INPP4B: variants seen among roughly 807,000 people sequenced by gnomAD.
The protein encoded by INPP4B is inositol polyphosphate-4-phosphatase type II B, also known as inositol polyphosphate 4-phosphatase type II.
INPP4B carries 55 observed loss-of-function variants against 122.5 expected under a neutral mutation model. The ratio of observed to expected loss-of-function variants is 0.45; its 90% confidence interval spans 0.36 to 0.56. The LOEUF (loss-of-function observed/expected upper bound fraction) is 0.56, where lower values mean the gene tolerates loss of function less well. Among genes scored for constraint, INPP4B ranks in the 20% least tolerant of loss-of-function variants. The pLI is 0.00. For missense variants in INPP4B, 1,000 were observed against 1,097.7 expected (o/e 0.91, Z 1.26); for synonymous variants, 403 against 388.7 (o/e 1.04, Z -0.43).
chr4:142,209,119 T>G (rs972685174), intron 12 of INPP4B, 93 bp from the exon 13 acceptor site: 106 of 847,912 alleles, frequency 1.3e-4, no homozygotes, highest in Non-Finnish European at 1.6e-4. Flanking sequence ...AATAAGAAAT[T>G]ATTTCATCCT....
chr4:142,273,674 G>A, intron 9 of INPP4B, among the ~76,000 whole-genome samples: 1 of 151,410 alleles, frequency 6.6e-6, no homozygotes, highest in Admixed American at 6.6e-5. Flanking sequence ...ATCTTCTATA[G>A]GCTTTCACTT....
chr4:142,778,953 A>C (rs1774357978), intron 1 of INPP4B, among the ~76,000 whole-genome samples: 2 of 152,150 alleles, frequency 1.3e-5, no homozygotes. Context: ...CTAAATTCAA[A>C]GCATTTATAC....
chr4:142,291,030 A>G (rs534894210), intron 9 of INPP4B, among the ~76,000 whole-genome samples: 201 of 152,286 alleles, frequency 1.3e-3, no homozygotes, highest in South Asian at 2.3e-3. Flanking sequence ...AGAAGTCCCA[A>G]TTATAGATGA....
chr4:142,092,690 T>C (rs781568959), intron 23 of INPP4B, among the ~76,000 whole-genome samples: 4 of 152,256 alleles, frequency 2.6e-5, no homozygotes, highest in Non-Finnish European at 5.9e-5. Context: ...AAGTTTTCTT[T>C]ATTGTTTAAG....
chr4:142,676,020 T>C (rs1278662029), intron 2 of INPP4B, among the ~76,000 whole-genome samples: 3 of 152,070 alleles, frequency 2.0e-5, no homozygotes, highest in Non-Finnish European at 4.4e-5. Flanking sequence ...GAGAAAGAAA[T>C]AAATGGTATT....
intron 2 of INPP4B, among the ~76,000 whole-genome samples, chr4:142,621,415 C>T (rs1320399455): frequency 1.3e-5 from 2 of 151,854 alleles, no homozygotes; most frequent in East Asian, 1.9e-4. Flanking sequence ...ATACAGTCCC[C>T]GTGCACTTGA....
At chr4:142,129,318 A>G (rs1800122399) in intron 18 of INPP4B, among the ~76,000 whole-genome samples, 1 of 152,160 alleles carries the variant, frequency 6.6e-6, no homozygotes, top group East Asian at 1.9e-4. Flanking sequence ...TCCTGCTTAT[A>G]AAATTTTTGT....
chr4:142,410,553 A>G (rs1238554842), intron 5 of INPP4B, among the ~76,000 whole-genome samples: 1 of 152,242 alleles, frequency 6.6e-6, no homozygotes, highest in Non-Finnish European at 1.5e-5. Context: ...ACTCAAAATT[A>G]GCCAAAGGAA....
chr4:142,347,161 T>C (rs1376974386), intron 7 of INPP4B, among the ~76,000 whole-genome samples: 3 of 152,052 alleles, frequency 2.0e-5, no homozygotes, highest in Admixed American at 2.0e-4. Context: ...TTTAATGTCA[T>C]TCAACTGTAA....
chr4:142,713,593 G>A (rs12644329), intron 2 of INPP4B, among the ~76,000 whole-genome samples: 80,129 of 152,010 alleles, frequency 0.53, 23,847 homozygotes, highest in East Asian at 0.78. Context: ...TCACACAGCG[G>A]CACTATTACA....
chr4:142,574,066 A>G (rs1250113244), intron 2 of INPP4B, among the ~76,000 whole-genome samples: 2 of 152,070 alleles, frequency 1.3e-5, no homozygotes, highest in African/African-American at 4.8e-5. Flanking sequence ...CTAAAATTCT[A>G]ACTCAAACCA....
At chr4:142,798,519 G>GA (rs1777572004) in intron 1 of INPP4B, among the ~76,000 whole-genome samples, 1 of 151,858 alleles carries the variant, frequency 6.6e-6, no homozygotes, top group Admixed American at 6.6e-5. Context: ...ATGTAGGAAA[G>GA]AGGAGAGGTG....
intron 2 of INPP4B, among the ~76,000 whole-genome samples, chr4:142,547,433 C>A (rs1334896026): frequency 6.6e-6 from 1 of 152,046 alleles, no homozygotes. Context: ...CTGAGCAATA[C>A]CTAGACATAA....
chr4:142,310,607 T>C (rs1251201623), intron 8 of INPP4B, among the ~76,000 whole-genome samples: 3 of 151,938 alleles, frequency 2.0e-5, no homozygotes, highest in Admixed American at 6.6e-5. Flanking sequence ...AGTTGAAGTT[T>C]CTATCATAAG....
intron 2 of INPP4B, among the ~76,000 whole-genome samples, chr4:142,657,431 G>A (rs953978208): frequency 3.9e-5 from 6 of 152,122 alleles, no homozygotes; most frequent in Admixed American, 2.6e-4. Context: ...AACTAAGAAT[G>A]CAAACCTTGG....
At chr4:142,464,897 G>C (rs1817470905) in intron 2 of INPP4B, among the ~76,000 whole-genome samples, 1 of 152,152 alleles carries the variant, frequency 6.6e-6, no homozygotes, top group South Asian at 2.1e-4. Context: ...ATTGTGCTCT[G>C]TTGTACAGAG....
intron 1 of INPP4B, among the ~76,000 whole-genome samples, chr4:142,788,839 T>C (rs559625530): frequency 6.6e-6 from 1 of 152,212 alleles, no homozygotes; most frequent in South Asian, 2.1e-4. Flanking sequence ...TGTATTTATA[T>C]ACCACAGTTT....
chr4:142,699,949 C>G (rs1028638467), intron 2 of INPP4B, among the ~76,000 whole-genome samples: 1 of 152,096 alleles, frequency 6.6e-6, no homozygotes, highest in Non-Finnish European at 1.5e-5. Flanking sequence ...TTTCCCCTCT[C>G]CACCAGTTCT....
chr4:142,134,968 CTTGTATG>C (rs1439068317), intron 18 of INPP4B, among the ~76,000 whole-genome samples: 1 of 151,822 alleles, frequency 6.6e-6, no homozygotes, highest in Non-Finnish European at 1.5e-5. Context: ...TTCTTTGGTA[CTTGTATG>C]TTGTATGTTT....
Sources: gnomAD v4.1 joint callset for allele counts (sites outside exome capture counted in the v4.1 genomes callset) on GRCh38, gnomAD v4.1.1 for gene constraint, MANE v1.5 for transcripts, NCBI Gene and HGNC (gene_info 2026-07-23, HGNC 2026-07-21) for gene names.